Variants in PRKN observed in about 807,000 individuals in gnomAD.
The protein encoded by PRKN is E3 ubiquitin-protein ligase parkin.
In PRKN, 56 loss-of-function variants were observed where a neutral mutation model predicts 59.5. That is an observed-to-expected ratio of 0.94 (90% CI 0.76 to 1.18). The LOEUF (loss-of-function observed/expected upper bound fraction) is 1.18, where lower values mean the gene tolerates loss of function less well. PRKN is among the 50% of genes most tolerant of loss of function. The probability of loss-of-function intolerance (pLI) is 0.00; values close to 1 mark genes in which losing one functional copy is unlikely to be tolerated. For missense variants in PRKN, 657 were observed against 596.4 expected (o/e 1.10, Z -1.06); for synonymous variants, 250 against 222.1 (o/e 1.13, Z -1.12).
intron 9 of PRKN, among the ~76,000 whole-genome samples, chr6:161,464,431 T>G (rs905442392): frequency 6.6e-6 from 1 of 152,226 alleles, no homozygotes; most frequent in African/African-American, 2.4e-5. Context: ...TTAAAGAAAC[T>G]TCATCTATAT....
chr6:161,673,204 C>T (rs1255611116), intron 7 of PRKN, among the ~76,000 whole-genome samples: 1 of 152,170 alleles, frequency 6.6e-6, no homozygotes, highest in Non-Finnish European at 1.5e-5. Context: ...GAAGGCAAGA[C>T]AGAGCCCACC....
At chr6:161,866,813 G>A (rs1472778080) in intron 6 of PRKN, among the ~76,000 whole-genome samples, 3 of 152,222 alleles carry the variant, frequency 2.0e-5, no homozygotes, top group African/African-American at 7.2e-5. Context: ...TGTGGGGTAA[G>A]GACAGGGAGG....
Position 162,237,528 on chromosome 6 carries a change from C to T in PRKN, c.412+24997G>A, listed in dbSNP as rs572137876. 6.8e-4 allele frequency among the ~76,000 whole-genome samples: 104 copies of T among 152,246 alleles called. 2 individuals are homozygous for T. The South Asian group carries it at 0.02, about 29-fold the overall frequency. On this transcript the variant is annotated intron_variant, in intron 3 of 11. Transcript: ENST00000366898. ...TTGTTAGGAATGAGAAGTGCTCTAC[C>T]TATCAACAACAAAGGCAGCCGAATG... is the stretch of plus-strand genomic sequence containing the variant.
At chr6:161,918,386 T>C (rs1222139767) in intron 6 of PRKN, among the ~76,000 whole-genome samples, 2 of 152,170 alleles carry the variant, frequency 1.3e-5, no homozygotes, top group African/African-American at 2.4e-5. Context: ...AAATAGTTAC[T>C]CATGGAAAAG....
intron 1 of PRKN, among the ~76,000 whole-genome samples, chr6:162,616,393 C>A (rs1252238002): frequency 1.3e-5 from 2 of 152,106 alleles, no homozygotes; most frequent in Admixed American, 6.6e-5. Flanking sequence ...TAGCAATGTG[C>A]ACAACTTCTG....
At chr6:162,233,674 C>A (rs373791105) in intron 3 of PRKN, among the ~76,000 whole-genome samples, 2 of 152,184 alleles carry the variant, frequency 1.3e-5, no homozygotes, top group African/African-American at 4.8e-5. Flanking sequence ...AAATACTGGA[C>A]GTGTCCGCCA....
chr6:161,597,582 T>C (rs779260198), intron 7 of PRKN, among the ~76,000 whole-genome samples: 4 of 152,098 alleles, frequency 2.6e-5, no homozygotes, highest in Non-Finnish European at 4.4e-5. Flanking sequence ...CGGACAAAAC[T>C]TCCTGCCTTG....
Position 162,277,585 on chromosome 6 carries a change from C to T in PRKN, c.172-14820G>A, listed in dbSNP as rs540913650. On this transcript the variant is annotated intron_variant, in intron 2 of 11. Transcript: ENST00000366898. ...AAATTATCCAAAGCATACAAACAAC[C>T]TTTAAAACTCATCAGTAAATAAATA... Among the ~76,000 whole-genome samples, 54 of 152,176 alleles carry T rather than the reference C, an allele frequency of 3.5e-4. 1 individual carries two copies. The highest frequency in any genetic ancestry group is 1.3e-3 in the African/African-American group (53 of 41,516).
At position 161,756,458 on chromosome 6, in the gene PRKN, A is replaced by C. The variant is rs1379734458; in HGVS notation, c.871+29314T>G. Among the ~76,000 whole-genome samples, 5 of 151,240 alleles carry C rather than the reference A, an allele frequency of 3.3e-5. No homozygotes were observed. The East Asian group carries it at 7.7e-4, about 23-fold the overall frequency. On this transcript the variant is annotated intron_variant, in intron 7 of 11. Coordinates refer to ENST00000366898, the MANE Select transcript of PRKN (RefSeq NM_004562.3). Reference sequence around the variant, plus strand: ...CCTTGTCTCGAAAAAAAAAAAAAAAAAAAAAAAAAAAACACTTTCTCTCAG... The same window carrying C: ...CCTTGTCTCGAAAAAAAAAAAAAAACAAAAAAAAAAAACACTTTCTCTCAG...
intron 9 of PRKN, among the ~76,000 whole-genome samples, chr6:161,469,560 A>AGAGAGAGAGATT (rs1790670504): frequency 6.6e-6 from 1 of 151,468 alleles, no homozygotes; most frequent in African/African-American, 2.4e-5. Flanking sequence ...AGAGAGAGAG[A>AGAGAGAGAGATT]GAGAGAGAGA....
chr6:161,419,201 C>G lies in PRKN; in HGVS notation c.1084-32324G>C, dbSNP rs541332836. ...TACACAGAGTTTGATGCTTCTTGTG[C>G]GTGATCTCACCTGTTCCCCCACTTA... is the stretch of plus-strand genomic sequence containing the variant. On this transcript the variant is annotated intron_variant, in intron 9 of 11. Transcript: ENST00000366898. This position sits in a 1 kb window ranked among gnomAD's most constrained non-coding sequence, Gnocchi z 4.1. Among the ~76,000 whole-genome samples, 5 of 152,102 alleles carry G rather than the reference C, an allele frequency of 3.3e-5. No individual in the cohort carries two copies. Among genetic ancestry groups the G allele is most frequent in the Non-Finnish European group, 7.4e-5 (5 of 68,018 alleles).
chr6:162,001,230 G>A (rs193185821), intron 5 of PRKN, among the ~76,000 whole-genome samples: 73 of 152,016 alleles, frequency 4.8e-4, no homozygotes, highest in Admixed American at 2.7e-3. Context: ...AGATAAAATT[G>A]GGAAGAATTA....
At chr6:161,364,582 G>C (rs373763340) in intron 10 of PRKN, among the ~76,000 whole-genome samples, 1 of 151,332 alleles carries the variant, frequency 6.6e-6, no homozygotes, top group Admixed American at 6.6e-5. Context: ...AATGGGTAAC[G>C]TATGGTAAAT....
rs567229410 is a variant in PRKN at position 162,230,222 on chromosome 6, C to T, written c.413-28970G>A. ...ACTGAAGCAATTTTTATATTATTGG[C>T]CTATATGGAGCCAGTGAATACTCAA... On this transcript the variant is annotated intron_variant, in intron 3 of 11. Transcript: ENST00000366898. Among the ~76,000 whole-genome samples the T allele has an allele frequency of 1.4e-4, 21 of 152,226 alleles. 1 individual carries two copies. The East Asian group carries it at 3.9e-3, about 28-fold the overall frequency.
chr6:162,167,491 G>C (rs1343963906), intron 4 of PRKN, among the ~76,000 whole-genome samples: 1 of 152,156 alleles, frequency 6.6e-6, no homozygotes, highest in Non-Finnish European at 1.5e-5. Flanking sequence ...CCAAGGAATT[G>C]TAACAGAAGG....
chr6:161,572,396 T>C (rs1218899531), intron 7 of PRKN, among the ~76,000 whole-genome samples: 1 of 152,020 alleles, frequency 6.6e-6, no homozygotes, highest in East Asian at 1.9e-4. Context: ...GCATGGTGGC[T>C]CACACCTGTA....
chr6:162,113,801 C>T (rs1780546959), intron 4 of PRKN, among the ~76,000 whole-genome samples: 1 of 152,160 alleles, frequency 6.6e-6, no homozygotes, highest in South Asian at 2.1e-4. Flanking sequence ...TGCCTATGTC[C>T]TGAATAGTAA....
At chr6:162,292,260 G>A (rs369572730) in intron 2 of PRKN, among the ~76,000 whole-genome samples, 3 of 152,096 alleles carry the variant, frequency 2.0e-5, no homozygotes, top group Non-Finnish European at 2.9e-5. Context: ...CACTGCGCCC[G>A]GCCTCTTCCA....
intron 7 of PRKN, among the ~76,000 whole-genome samples, chr6:161,577,959 A>G (rs9364604): frequency 0.5 from 76,126 of 151,958 alleles, 20,404 homozygotes; most frequent in East Asian, 0.63. Flanking sequence ...TTGATTCTTC[A>G]TCGAACAACT....
Sources: allele counts gnomAD v4.1 joint callset (sites outside exome capture counted in the v4.1 genomes callset), GRCh38; gene constraint gnomAD v4.1.1; non-coding constraint Gnocchi (gnomAD v3.1); transcripts MANE v1.5; gene names NCBI Gene and HGNC (gene_info 2026-07-23, HGNC 2026-07-21).